LUC7L2: variants seen among roughly 807,000 people sequenced by gnomAD.
The protein encoded by LUC7L2 is LUC7 like 2, pre-mRNA splicing factor, also known as putative RNA-binding protein Luc7-like 2.
A neutral mutation model predicts 52.8 loss-of-function variants in LUC7L2; 25 were observed. The ratio of observed to expected loss-of-function variants is 0.47; its 90% CI spans 0.34 to 0.66. The LOEUF (loss-of-function observed/expected upper bound fraction) is 0.66. LUC7L2 is among the 30% of genes least tolerant of loss of function. LUC7L2 has a pLI of 0.01. For synonymous variants in LUC7L2, 144 were observed against 160.9 expected, an observed-to-expected ratio of 0.89 and a Z score of 0.80; for missense variants, 328 against 497.8, an observed-to-expected ratio of 0.66 and a Z score of 3.25.
chr7:139,373,093 T>C (rs1800536863), intron 1 of LUC7L2, among the ~76,000 whole-genome samples: 1 of 152,254 alleles, frequency 6.6e-6, no homozygotes, highest in Non-Finnish European at 1.5e-5. Flanking sequence ...CTTCTTTTTA[T>C]AAAATAGGTG....
At chr7:139,360,423 G>A in intron 1 of LUC7L2, 101 bp downstream of exon 1, 3 of 1,102,378 alleles carry the variant, frequency 2.7e-6, no homozygotes, top group Non-Finnish European at 3.9e-6. Context: ...GGCTGAGTAA[G>A]GGGCTCCCAG....
upstream of LUC7L2, among the ~76,000 whole-genome samples, chr7:139,356,931 C>T (rs1799624122): frequency 6.6e-6 from 1 of 152,034 alleles, no homozygotes; most frequent in Non-Finnish European, 1.5e-5. Flanking sequence ...AAATAAAGAA[C>T]ATTGATTATA....
upstream of LUC7L2, among the ~76,000 whole-genome samples, chr7:139,358,118 CTG>C: frequency 6.6e-6 from 1 of 152,138 alleles, no homozygotes; most frequent in Non-Finnish European, 1.5e-5. Flanking sequence ...AGTGATTCTC[CTG>C]CCTCAGCCTC....
At chr7:139,383,608 G>A (rs1479903179) in intron 2 of LUC7L2, among the ~76,000 whole-genome samples, 1 of 149,474 alleles carries the variant, frequency 6.7e-6, no homozygotes, top group African/African-American at 2.5e-5. Flanking sequence ...TAGAAACGGG[G>A]TTTCACCATG....
chr7:139,374,052 T>C (rs1800588588), intron 1 of LUC7L2, among the ~76,000 whole-genome samples: 1 of 152,230 alleles, frequency 6.6e-6, no homozygotes, highest in Non-Finnish European at 1.5e-5. Context: ...ATTGACATTC[T>C]GATATGAGTT....
At position 139,399,431 on chromosome 7, in the gene LUC7L2, C is replaced by T. The variant is rs192900690; in HGVS notation, c.255+734C>T. Among the ~76,000 whole-genome samples, 594 of 134,160 alleles carry T rather than the reference C, an allele frequency of 4.4e-3. 2 individuals are homozygous for T. The Middle Eastern group carries it at 0.062, about 14-fold the overall frequency. 88.0% of individuals were successfully genotyped at this position (134,160 alleles called of 152,430 possible). A position where few individuals can be genotyped will look rare whatever the true frequency, so the allele number is the denominator to read the frequency against. Reference sequence around the variant, plus strand: ...TCTCCCACAGATACTGAGGGACATGCATATGGGTGTTTGGGGGATTTTTTT... The same window carrying T: ...TCTCCCACAGATACTGAGGGACATGTATATGGGTGTTTGGGGGATTTTTTT... On this transcript the variant is annotated intron_variant, in intron 3 of 9. Coordinates refer to ENST00000354926, the MANE Select transcript of LUC7L2 (RefSeq NM_016019.5).
At position 139,417,877 on chromosome 7, in the gene LUC7L2, A is replaced by C. The variant is rs771924623; in HGVS notation, c.1001+148A>C. ...TGTACACATTTATGTGTGGGTGTACAACATTTTTCTGTGATTATATGGGTA... is the reference window on the plus strand; with the variant it reads ...TGTACACATTTATGTGTGGGTGTACCACATTTTTCTGTGATTATATGGGTA... On this transcript the variant is annotated intron_variant, in intron 9 of 9. Coordinates refer to ENST00000354926, the MANE Select transcript of LUC7L2 (RefSeq NM_016019.5). 2.8e-5 allele frequency: 33 copies of C among 1,173,086 alleles called. No homozygotes were observed. In the Admixed American group the frequency reaches 3.8e-4, roughly 13 times the overall value. The allele number at this position is 1,173,086 out of a possible 1,614,324, so 72.7% of individuals were successfully genotyped here.
chr7:139,403,433 A>G (rs992614916), intron 4 of LUC7L2, among the ~76,000 whole-genome samples: 11 of 152,352 alleles, frequency 7.2e-5, no homozygotes, highest in Admixed American at 2.0e-4. Context: ...AGATGACAGT[A>G]TTAAAATATG....
rs752276137 is a variant in LUC7L2 at position 139,360,331 on chromosome 7, C to G, written c.61+9C>G. The G allele has an allele frequency of 9.6e-6, 15 of 1,560,132 alleles. No homozygotes were observed. In the African/African-American group the frequency reaches 1.8e-4, roughly 18 times the overall value. ...GGGCACCTCCCGGGACGGTAAGTCTCTGCCAGGGCCCTGGGGGTGGGGGAG... is the reference window on the plus strand; with the variant it reads ...GGGCACCTCCCGGGACGGTAAGTCTGTGCCAGGGCCCTGGGGGTGGGGGAG... On this transcript the variant is annotated intron_variant, in intron 1 of 9. Coordinates refer to ENST00000354926, the MANE Select transcript of LUC7L2 (RefSeq NM_016019.5).
intron 1 of LUC7L2, among the ~76,000 whole-genome samples, chr7:139,351,119 T>G (rs1481291406): frequency 6.6e-6 from 1 of 152,194 alleles, no homozygotes; most frequent in Non-Finnish European, 1.5e-5. Flanking sequence ...ACCTCCACTT[T>G]CATGACTTCA....
In LUC7L2 at chr7:139,417,733, T is replaced by G; in HGVS notation, c.1001+4T>G. ...GCAGAGAACGATCCAAGAGGAGGTA[T>G]TGATGTGTCAATCAGAGGATATGGA... is the stretch of plus-strand genomic sequence containing the variant. On this transcript the variant is annotated splice_donor_region_variant and intron_variant, in intron 9 of 9. Transcript: ENST00000354926. 1 of 1,612,432 alleles carries G rather than the reference T, an allele frequency of 6.2e-7. No homozygotes were observed. Among genetic ancestry groups the G allele is most frequent in the Non-Finnish European group, 8.5e-7 (1 of 1,178,614 alleles).
chr7:139,416,285 AC>A (rs1047544873), intron 8 of LUC7L2: 1 of 149,816 alleles, frequency 6.7e-6, no homozygotes, highest in African/African-American at 2.4e-5. Context: ...ACCCCCACCC[AC>A]CCCACAAGTT....
chr7:139,374,092 A>T (rs1325347782), intron 1 of LUC7L2, among the ~76,000 whole-genome samples: 1 of 152,218 alleles, frequency 6.6e-6, no homozygotes, highest in Non-Finnish European at 1.5e-5. Context: ...CATGAGCTTG[A>T]GGTCCTCACC....
chr7:139,342,573 C>T (rs1799040195), intron 1 of LUC7L2, among the ~76,000 whole-genome samples: 1 of 152,130 alleles, frequency 6.6e-6, no homozygotes, highest in African/African-American at 2.4e-5. Context: ...AGCGATTCTC[C>T]TGCCTCAGCC....
At chr7:139,352,190 T>C (rs745753611) in intron 1 of LUC7L2, among the ~76,000 whole-genome samples, 1 of 151,646 alleles carries the variant, frequency 6.6e-6, no homozygotes, top group Non-Finnish European at 1.5e-5. Context: ...AGAAAGACCA[T>C]CTCTAAAAAA....
chr7:139,402,110 G>A, intron 3 of LUC7L2, 27 bp from the exon 4 acceptor site: 5 of 1,556,302 alleles, frequency 3.2e-6, no homozygotes, highest in Non-Finnish European at 4.3e-6. Flanking sequence ...CTTTCTGACA[G>A]TAATTGTCTT....
chr7:139,374,817 T>G, intron 1 of LUC7L2: 3 of 1,089,354 alleles, frequency 2.8e-6, no homozygotes, highest in Non-Finnish European at 3.4e-6. Flanking sequence ...TGAATTTAAG[T>G]TAAGCTCTTT....
chr7:139,378,986 T>G (rs1463796799), intron 2 of LUC7L2, among the ~76,000 whole-genome samples: 1 of 152,152 alleles, frequency 6.6e-6, no homozygotes, highest in Non-Finnish European at 1.5e-5. Flanking sequence ...TTTTCTTTGT[T>G]GTGTACCTAA....
At chr7:139,417,274 C>G (rs1406089556) in intron 8 of LUC7L2, 1 of 343,300 alleles carries the variant, frequency 2.9e-6, no homozygotes, top group Non-Finnish European at 5.4e-6. Context: ...ATCCTGAGCT[C>G]AAGCGATCCT....
Sources: allele counts gnomAD v4.1 joint callset (sites outside exome capture counted in the v4.1 genomes callset), GRCh38; gene constraint gnomAD v4.1.1; transcripts MANE v1.5; gene names NCBI Gene and HGNC (gene_info 2026-07-23, HGNC 2026-07-21).